Variants in CA10 observed in about 807,000 individuals in gnomAD.
The protein encoded by CA10 is carbonic anhydrase 10 (inactive), also known as carbonic anhydrase-related protein 10.
Under a neutral mutation model 44.2 loss-of-function variants are expected in CA10, and 14 were observed. That is an observed-to-expected ratio of 0.32 (90% CI 0.21 to 0.50). The LOEUF is 0.50. Among genes scored for constraint, CA10 ranks in the 20% least tolerant of loss-of-function variants. The pLI, the probability that CA10 is intolerant of heterozygous loss-of-function variation, is 0.99. For synonymous variants in CA10, 159 were observed against 141.6 expected, an observed-to-expected ratio of 1.12 and a Z score of -0.87; for missense variants, 350 against 409.7, an observed-to-expected ratio of 0.85 and a Z score of 1.26.
At chr17:52,012,311 CTT>C (rs1397801675) in intron 2 of CA10, among the ~76,000 whole-genome samples, 3 of 151,952 alleles carry the variant, frequency 2.0e-5, no homozygotes, top group African/African-American at 7.2e-5. Context: ...CACTGAGTCA[CTT>C]AACAATGGCC....
chr17:51,845,552 G>A (rs28412057), intron 3 of CA10, among the ~76,000 whole-genome samples: 3,565 of 152,304 alleles, frequency 0.023, 63 homozygotes, highest in Middle Eastern at 0.044. Flanking sequence ...GAGCATTGAC[G>A]TAATTTTTAT....
At chr17:51,847,775 C>T (rs1978562275) in intron 3 of CA10, among the ~76,000 whole-genome samples, 1 of 152,136 alleles carries the variant, frequency 6.6e-6, no homozygotes, top group South Asian at 2.1e-4. Context: ...TTCTAGACAG[C>T]ACCCCTTGGG....
chr17:51,985,241 A>T (rs902933068), intron 2 of CA10, among the ~76,000 whole-genome samples: 9 of 152,096 alleles, frequency 5.9e-5, no homozygotes, highest in African/African-American at 2.2e-4. Flanking sequence ...GATACACCAC[A>T]TATGTATAAT....
At chr17:51,950,088 C>T (rs1397593998) in intron 2 of CA10, among the ~76,000 whole-genome samples, 2 of 152,166 alleles carry the variant, frequency 1.3e-5, no homozygotes, top group Non-Finnish European at 2.9e-5. Flanking sequence ...TGTAGTCACA[C>T]TGACCTTCTT....
chr17:52,116,129 C>T (rs1014050940), intron 1 of CA10, among the ~76,000 whole-genome samples: 1 of 151,912 alleles, frequency 6.6e-6, no homozygotes, highest in Non-Finnish European at 1.5e-5. Flanking sequence ...TTGGAGAAAC[C>T]CATTTACATA....
intron 3 of CA10, among the ~76,000 whole-genome samples, chr17:51,802,931 A>G (rs956533407): frequency 6.6e-6 from 1 of 152,202 alleles, no homozygotes; most frequent in Admixed American, 6.5e-5. Flanking sequence ...TAAAACAGTC[A>G]TCTCGTTGAC....
chr17:51,937,191 A>T (rs1982900368), intron 2 of CA10, among the ~76,000 whole-genome samples: 1 of 152,208 alleles, frequency 6.6e-6, no homozygotes, highest in Admixed American at 6.5e-5. Flanking sequence ...TTCCACTTCA[A>T]TATAGCAATC....
intron 4 of CA10, among the ~76,000 whole-genome samples, chr17:51,658,709 C>A (rs1338174821): frequency 1.3e-5 from 2 of 152,122 alleles, no homozygotes; most frequent in Non-Finnish European, 2.9e-5. Context: ...AATAGGAAGT[C>A]ACAGGTGTTA....
At position 51,802,586 on chromosome 17, in the gene CA10, A is replaced by C. The variant is rs1009609660; in HGVS notation, c.280-54768T>G. Among the ~76,000 whole-genome samples, 12 of 141,122 alleles carry C rather than the reference A, an allele frequency of 8.5e-5. No homozygotes were observed. In the East Asian group the frequency reaches 1.1e-3, roughly 13 times the overall value. The allele number at this position is 141,122 out of a possible 152,430, so 92.6% of individuals were successfully genotyped here. ...GTCTGAAAAAAAAAAAAAAAAAAAAAAACAACCAGAAGCACTCCCTACATT... is the reference window on the plus strand; with the variant it reads ...GTCTGAAAAAAAAAAAAAAAAAAAACAACAACCAGAAGCACTCCCTACATT... On this transcript the variant is annotated intron_variant, in intron 3 of 8. Transcript: ENST00000451037.
intron 1 of CA10, among the ~76,000 whole-genome samples, chr17:52,133,559 T>C (rs998208153): frequency 6.6e-6 from 1 of 152,156 alleles, no homozygotes; most frequent in African/African-American, 2.4e-5. Context: ...AACTGCTCAA[T>C]TCTCATGTCA....
chr17:51,914,046 G>C (rs1277598204), intron 3 of CA10, among the ~76,000 whole-genome samples: 1 of 152,102 alleles, frequency 6.6e-6, no homozygotes, highest in Non-Finnish European at 1.5e-5. Context: ...GAGAAACAGA[G>C]ACAGGCCATT....
chr17:52,114,104 A>G (rs2143293356), intron 1 of CA10, among the ~76,000 whole-genome samples: 1 of 152,366 alleles, frequency 6.6e-6, no homozygotes, highest in South Asian at 2.1e-4. Flanking sequence ...CATTCTAGAA[A>G]GATTAAGCTA....
In CA10 at chr17:52,148,940, A is replaced by G. The variant is rs929013751; in HGVS notation, c.61+8786T>C. ...TAACACTGGGAAAAAAATCTTCCAT[A>G]TATATTACTTTATTGTTTATTTCAA... On this transcript the variant is annotated intron_variant, in intron 1 of 8. Transcript: ENST00000451037. Among the ~76,000 whole-genome samples the G allele has an allele frequency of 4.6e-5, 7 of 152,184 alleles. No individual in the cohort carries two copies. The East Asian group carries it at 7.7e-4, about 17-fold the overall frequency.
At chr17:51,678,991 C>T (rs978470562) in intron 4 of CA10, among the ~76,000 whole-genome samples, 3 of 152,100 alleles carry the variant, frequency 2.0e-5, no homozygotes, top group East Asian at 1.9e-4. Flanking sequence ...AAGCTTTCTC[C>T]GTTCATTCAT....
chr17:51,770,433 G>A (rs965100619), intron 3 of CA10, among the ~76,000 whole-genome samples: 3 of 151,482 alleles, frequency 2.0e-5, no homozygotes, highest in Admixed American at 6.6e-5. Context: ...GGAGGGGCAC[G>A]AAATAATACC....
At chr17:51,873,724 C>G (rs1263848817) in intron 3 of CA10, among the ~76,000 whole-genome samples, 4 of 152,164 alleles carry the variant, frequency 2.6e-5, no homozygotes, top group Non-Finnish European at 5.9e-5. Context: ...TGGTTCTGCT[C>G]CTTTTGACTG....
At chr17:52,068,941 A>G (rs1478685295) in intron 2 of CA10, among the ~76,000 whole-genome samples, 2 of 152,162 alleles carry the variant, frequency 1.3e-5, no homozygotes, top group Non-Finnish European at 2.9e-5. Flanking sequence ...GGCTCACATG[A>G]TGGCTGGCAA....
At chr17:51,633,437 C>G (rs1311010032) in intron 8 of CA10, 39 bp downstream of exon 8, 9 of 1,584,224 alleles carry the variant, frequency 5.7e-6, no homozygotes, top group Middle Eastern at 1.7e-4. Context: ...AGACTGAGCT[C>G]TAGCCTAGAT....
intron 2 of CA10, among the ~76,000 whole-genome samples, chr17:52,016,561 C>G (rs925901552): frequency 1.3e-5 from 2 of 152,082 alleles, no homozygotes; most frequent in African/African-American, 4.8e-5. Context: ...TGTCTTGGTA[C>G]TGTCCTCAAG....
Sources: allele counts gnomAD v4.1 joint callset (sites outside exome capture counted in the v4.1 genomes callset), GRCh38; gene constraint gnomAD v4.1.1; transcripts MANE v1.5; gene names NCBI Gene and HGNC (gene_info 2026-07-23, HGNC 2026-07-21).